Variants in PIP4K2A observed in about 807,000 individuals in gnomAD.
The protein encoded by PIP4K2A is phosphatidylinositol-5-phosphate 4-kinase type 2 alpha, also known as phosphatidylinositol 5-phosphate 4-kinase type-2 alpha.
Under a neutral mutation model 42.9 loss-of-function variants are expected in PIP4K2A, and 14 were observed. The observed-to-expected ratio is 0.33, with a 90% CI of 0.22 to 0.51. The LOEUF (loss-of-function observed/expected upper bound fraction) is 0.51. Among genes scored for constraint, PIP4K2A ranks in the 20% least tolerant of loss-of-function variants. PIP4K2A has a pLI of 0.97. For missense variants in PIP4K2A, 434 were observed against 519.8 expected, an observed-to-expected ratio of 0.83 and a Z score of 1.61; for synonymous variants, 192 against 192.2, an observed-to-expected ratio of 1.00 and a Z score of 0.01.
intron 7 of PIP4K2A, among the ~76,000 whole-genome samples, chr10:22,549,351 CTTTTTTT>C (rs74261081): frequency 7.0e-6 from 1 of 141,872 alleles, no homozygotes; most frequent in South Asian, 2.2e-4. Context: ...TTTTCTTTTT[CTTTTTTT>C]TTTTTTGGTT....
intron 4 of PIP4K2A, among the ~76,000 whole-genome samples, chr10:22,574,583 G>A (rs1258825352): frequency 1.3e-5 from 2 of 151,612 alleles, no homozygotes; most frequent in African/African-American, 4.9e-5. Flanking sequence ...AAAAGTCTTT[G>A]GTTTTGATCA....
chr10:22,540,203 G>C (rs921886084), intron 8 of PIP4K2A, 129 bp from the exon 9 acceptor site: 7 of 662,538 alleles, frequency 1.1e-5, no homozygotes, highest in Non-Finnish European at 1.6e-5. Flanking sequence ...GATGGAAGGA[G>C]TCCAGAGACA....
intron 3 of PIP4K2A, among the ~76,000 whole-genome samples, chr10:22,593,986 G>C (rs1257428995): frequency 6.6e-6 from 1 of 152,156 alleles, no homozygotes; most frequent in Non-Finnish European, 1.5e-5. Flanking sequence ...GGGCCAATAG[G>C]GTGAATCAAA....
intron 6 of PIP4K2A, among the ~76,000 whole-genome samples, chr10:22,566,119 G>C (rs1363575950): frequency 6.6e-6 from 1 of 152,138 alleles, no homozygotes; most frequent in Non-Finnish European, 1.5e-5. Context: ...CTTGATGTCT[G>C]TTACTCACAC....
chr10:22,625,304 G>GA (rs1484405905), intron 1 of PIP4K2A, among the ~76,000 whole-genome samples: 1 of 152,108 alleles, frequency 6.6e-6, no homozygotes, highest in Non-Finnish European at 1.5e-5. Context: ...CTGCTTTCAT[G>GA]AAAAAATCTC....
At chr10:22,680,255 G>A (rs558265855) in intron 1 of PIP4K2A, among the ~76,000 whole-genome samples, 49 of 152,160 alleles carry the variant, frequency 3.2e-4, no homozygotes, top group African/African-American at 1.2e-3. Context: ...CACGAATAAA[G>A]CAGAGTACAA....
intron 1 of PIP4K2A, among the ~76,000 whole-genome samples, chr10:22,689,175 A>G (rs1444724210): frequency 6.6e-6 from 1 of 151,858 alleles, no homozygotes; most frequent in African/African-American, 2.4e-5. Flanking sequence ...TCACTCCCCA[A>G]GCTGCCCCTC....
At chr10:22,610,513 G>A (rs939061860) in intron 1 of PIP4K2A, among the ~76,000 whole-genome samples, 5 of 152,200 alleles carry the variant, frequency 3.3e-5, no homozygotes, top group African/African-American at 1.2e-4. Context: ...AGGCAGGTAC[G>A]CTGAAGGATT....
At chr10:22,578,484 T>C (rs1837174546) in intron 4 of PIP4K2A, among the ~76,000 whole-genome samples, 1 of 152,222 alleles carries the variant, frequency 6.6e-6, no homozygotes, top group African/African-American at 2.4e-5. Context: ...CTCCCTTGGC[T>C]TCTGAGACGC....
intron 1 of PIP4K2A, among the ~76,000 whole-genome samples, chr10:22,677,375 C>G (rs1387090397): frequency 6.6e-6 from 1 of 152,184 alleles, no homozygotes; most frequent in Non-Finnish European, 1.5e-5. Flanking sequence ...GGGGCTTACA[C>G]AGAGATAGGG....
chr10:22,654,699 T>C (rs1042659005), intron 1 of PIP4K2A, among the ~76,000 whole-genome samples: 11 of 151,886 alleles, frequency 7.2e-5, no homozygotes, highest in African/African-American at 2.4e-4. Context: ...CAAGCTGGAG[T>C]TGGGAGACCA....
At chr10:22,547,766 A>G (rs1041431052) in intron 7 of PIP4K2A, among the ~76,000 whole-genome samples, 1 of 152,206 alleles carries the variant, frequency 6.6e-6, no homozygotes, top group African/African-American at 2.4e-5. Context: ...ACAGGGCAGA[A>G]GGCAAAAGTG....
intron 1 of PIP4K2A, among the ~76,000 whole-genome samples, chr10:22,655,872 G>C (rs1260803867): frequency 6.6e-6 from 1 of 152,152 alleles, no homozygotes; most frequent in Non-Finnish European, 1.5e-5. Context: ...CTTAAGAGCT[G>C]AGTGTGTTGT....
At chr10:22,614,963 G>A (rs887228171) in intron 1 of PIP4K2A, among the ~76,000 whole-genome samples, 1 of 152,122 alleles carries the variant, frequency 6.6e-6, no homozygotes, top group African/African-American at 2.4e-5. Flanking sequence ...TGAACTTTCA[G>A]ATTTCAAAAT....
intron 1 of PIP4K2A, among the ~76,000 whole-genome samples, chr10:22,660,864 T>C (rs896873338): frequency 1.3e-5 from 2 of 151,798 alleles, no homozygotes; most frequent in Admixed American, 1.3e-4. Context: ...ATACCTGTCA[T>C]ACATTTGTCA....
At chr10:22,669,273 G>A (rs775677399) in intron 1 of PIP4K2A, among the ~76,000 whole-genome samples, 2 of 152,106 alleles carry the variant, frequency 1.3e-5, no homozygotes, top group East Asian at 1.9e-4. Flanking sequence ...GCCGCATAAC[G>A]ACACTGCAGT....
chr10:22,631,270 C>T (rs754904237), intron 1 of PIP4K2A, among the ~76,000 whole-genome samples: 148 of 152,138 alleles, frequency 9.7e-4, no homozygotes, highest in Non-Finnish European at 1.6e-3. Flanking sequence ...ACCCTAACCT[C>T]GAGTGTGACT....
chr10:22,597,285 G>A (rs1297556854), intron 3 of PIP4K2A, among the ~76,000 whole-genome samples: 3 of 152,172 alleles, frequency 2.0e-5, no homozygotes, highest in African/African-American at 7.2e-5. Flanking sequence ...CCAGAGTCAG[G>A]CACTCACACA....
intron 1 of PIP4K2A, among the ~76,000 whole-genome samples, chr10:22,660,939 G>A (rs1257350214): frequency 2.0e-5 from 3 of 152,050 alleles, no homozygotes; most frequent in Admixed American, 2.0e-4. Flanking sequence ...CGGTGATAAC[G>A]ACGTGTCAAT....
Sources: allele counts gnomAD v4.1 joint callset (sites outside exome capture counted in the v4.1 genomes callset), GRCh38; gene constraint gnomAD v4.1.1; transcripts MANE v1.5; gene names NCBI Gene and HGNC (gene_info 2026-07-23, HGNC 2026-07-21).